Variants in HSD17B11 observed in about 807,000 individuals in gnomAD.
The protein encoded by HSD17B11 is hydroxysteroid 17-beta dehydrogenase 11, also known as estradiol 17-beta-dehydrogenase 11.
HSD17B11 carries 22 observed loss-of-function variants against 27.8 expected under a neutral mutation model. The observed-to-expected ratio is 0.79, with a 90% CI of 0.56 to 1.13. HSD17B11 has a LOEUF of 1.13. HSD17B11 is among the 50% of genes most tolerant of loss of function. The pLI, the probability that HSD17B11 is intolerant of heterozygous loss-of-function variation, is 0.00. For missense variants in HSD17B11, 314 were observed against 351.1 expected, an observed-to-expected ratio of 0.89 and a Z score of 0.84; for synonymous variants, 117 against 132.8, an observed-to-expected ratio of 0.88 and a Z score of 0.82.
At chr4:87,360,864 C>T (rs111940250) in intron 4 of HSD17B11, among the ~76,000 whole-genome samples, 15,173 of 152,158 alleles carry the variant, frequency 0.1, 773 homozygotes, top group Middle Eastern at 0.11. Flanking sequence ...AGTGGTATCC[C>T]ACGCAGAAAT....
chr4:87,387,735 C>G (rs1429748782), intron 1 of HSD17B11, among the ~76,000 whole-genome samples: 1 of 151,824 alleles, frequency 6.6e-6, no homozygotes, highest in Non-Finnish European at 1.5e-5. Context: ...TATTTTTTAC[C>G]CACAAAAAGT....
chr4:87,372,845 A>T (rs761317660), intron 3 of HSD17B11, 30 bp from the exon 4 acceptor site: 2 of 1,357,956 alleles, frequency 1.5e-6, no homozygotes, highest in Admixed American at 3.4e-5. Flanking sequence ...AAAGAGAAAA[A>T]ATACTGTATT....
intron 5 of HSD17B11, among the ~76,000 whole-genome samples, chr4:87,344,386 T>C (rs1205217209): frequency 6.6e-6 from 1 of 152,240 alleles, no homozygotes; most frequent in East Asian, 1.9e-4. Context: ...ATTCAGGTTA[T>C]GCGGCATTGT....
intron 1 of HSD17B11, among the ~76,000 whole-genome samples, chr4:87,386,256 G>C (rs1720315916): frequency 6.6e-6 from 1 of 151,042 alleles, no homozygotes; most frequent in Admixed American, 6.6e-5. Flanking sequence ...AGCCTGGAGT[G>C]CAATGGTGCA....
At chr4:87,368,928 A>G (rs1735657668) in intron 4 of HSD17B11, among the ~76,000 whole-genome samples, 1 of 152,212 alleles carries the variant, frequency 6.6e-6, no homozygotes, top group Admixed American at 6.5e-5. Flanking sequence ...AAAATGGGCA[A>G]CCAGCAGCCC....
chr4:87,337,078 A>G lies in HSD17B11; in HGVS notation c.*198T>C. 1.9e-6 allele frequency: 1 copy of G among 540,404 alleles called. No homozygotes were observed. The highest frequency in any genetic ancestry group is 4.6e-4 in the Middle Eastern group (1 of 2,194). 33.5% of individuals were successfully genotyped at this position (540,404 alleles called of 1,614,324 possible). On this transcript the variant is annotated 3_prime_UTR_variant, in exon 7 of 7. Transcript: ENST00000358290. ...TTTCCTTAAAGTCACCTCTAAAGGT[A>G]TTTCTCTGTTTATATCATATGTAAT...
chr4:87,343,196 A>G (rs1340334154), intron 5 of HSD17B11, among the ~76,000 whole-genome samples: 1 of 152,198 alleles, frequency 6.6e-6, no homozygotes, highest in Admixed American at 6.5e-5. Flanking sequence ...AAATACAATG[A>G]CTGTTCAATA....
chr4:87,355,513 AAAC>A (rs1377075072), intron 5 of HSD17B11, among the ~76,000 whole-genome samples: 1 of 151,466 alleles, frequency 6.6e-6, no homozygotes, highest in African/African-American at 2.5e-5. Context: ...AGCAAACAAA[AAAC>A]AACTGGGGAA....
chr4:87,380,440 T>A (rs1720118637), intron 2 of HSD17B11, among the ~76,000 whole-genome samples: 1 of 127,628 alleles, frequency 7.8e-6, no homozygotes, highest in African/African-American at 3.0e-5. Context: ...ACCACTACAC[T>A]GCAGCCTGGG....
intron 4 of HSD17B11, among the ~76,000 whole-genome samples, chr4:87,368,369 G>A (rs945574893): frequency 7.0e-4 from 106 of 152,092 alleles, no homozygotes; most frequent in African/African-American, 2.4e-3. Context: ...AATGGCCCTC[G>A]CCACACTGAT....
At chr4:87,347,117 T>TTA (rs56808195) in intron 5 of HSD17B11, among the ~76,000 whole-genome samples, 1 of 52,798 alleles carries the variant, frequency 1.9e-5, no homozygotes. Flanking sequence ...TTTTTTTTTC[T>TTA]TTTTTTTTTT....
At chr4:87,366,929 A>AT (rs35482923) in intron 4 of HSD17B11, among the ~76,000 whole-genome samples, 27 of 152,140 alleles carry the variant, frequency 1.8e-4, no homozygotes, top group African/African-American at 4.1e-4. Context: ...AACTGAAGTA[A>AT]TTTTTTTTAA....
intron 2 of HSD17B11, among the ~76,000 whole-genome samples, chr4:87,376,355 A>C (rs931661919): frequency 6.6e-6 from 1 of 151,994 alleles, no homozygotes; most frequent in Non-Finnish European, 1.5e-5. Context: ...AAATACAAAA[A>C]TTAGTGGGGC....
Position 87,391,177 on chromosome 4 carries a change from C to A in HSD17B11, c.-107G>T. On this transcript the variant is annotated 5_prime_UTR_variant, in exon 1 of 7. Coordinates refer to ENST00000358290, the MANE Select transcript of HSD17B11 (RefSeq NM_016245.5). ...ACACCAGAAAGAGTAGGGGCGAGAGCAAGGAGGAACTCCCGTATCAAAGAA... is the reference window on the plus strand; with the variant it reads ...ACACCAGAAAGAGTAGGGGCGAGAGAAAGGAGGAACTCCCGTATCAAAGAA... 1.4e-6 allele frequency: 1 copy of A among 735,716 alleles called. No homozygotes were observed. Among genetic ancestry groups the A allele is most frequent in the East Asian group, 2.8e-5 (1 of 36,046 alleles). 45.6% of individuals were successfully genotyped at this position (735,716 alleles called of 1,614,324 possible).
At chr4:87,390,485 T>C (rs1380003706) in intron 1 of HSD17B11, among the ~76,000 whole-genome samples, 1 of 152,244 alleles carries the variant, frequency 6.6e-6, no homozygotes, top group Admixed American at 6.5e-5. Flanking sequence ...TCATTAACAG[T>C]AAGTAGGACT....
At chr4:87,382,870 C>T (rs1469858405) in intron 1 of HSD17B11, among the ~76,000 whole-genome samples, 1 of 152,064 alleles carries the variant, frequency 6.6e-6, no homozygotes, top group Admixed American at 6.6e-5. Context: ...GAGGTAGAGT[C>T]CCGACCCCAA....
At chr4:87,354,977 C>G (rs181090672) in intron 5 of HSD17B11, among the ~76,000 whole-genome samples, 59 of 141,276 alleles carry the variant, frequency 4.2e-4, no homozygotes, top group Admixed American at 1.2e-3. Context: ...AAAAAATTAG[C>G]TGGGCATGAT....
intron 2 of HSD17B11, among the ~76,000 whole-genome samples, chr4:87,375,803 C>T (rs1460352722): frequency 6.6e-6 from 1 of 151,944 alleles, no homozygotes; most frequent in Admixed American, 6.6e-5. Flanking sequence ...TTGTGGAAAA[C>T]TGATTACACT....
At chr4:87,368,230 T>C (rs1735643916) in intron 4 of HSD17B11, among the ~76,000 whole-genome samples, 1 of 152,030 alleles carries the variant, frequency 6.6e-6, no homozygotes, top group African/African-American at 2.4e-5. Flanking sequence ...GGCAGGAGAA[T>C]GGCATGAACC....
Sources: gnomAD v4.1 joint callset for allele counts (sites outside exome capture counted in the v4.1 genomes callset) on GRCh38, gnomAD v4.1.1 for gene constraint, MANE v1.5 for transcripts, NCBI Gene and HGNC (gene_info 2026-07-23, HGNC 2026-07-21) for gene names.